GALNT1: variants seen among roughly 807,000 people sequenced by gnomAD.
GALNT1 encodes the protein GalNAc transferase 1.
Under a neutral mutation model 65.7 loss-of-function variants are expected in GALNT1, and 17 were observed. The ratio of observed to expected loss-of-function variants is 0.26; its 90% confidence interval spans 0.18 to 0.39. GALNT1 has a LOEUF of 0.39. GALNT1 is among the 10% of genes least tolerant of loss of function. The pLI, the probability that GALNT1 is intolerant of heterozygous loss-of-function variation, is 1.00. For synonymous variants in GALNT1, 210 were observed against 219.7 expected (o/e 0.96, Z 0.39); for missense variants, 460 against 672.8 (o/e 0.68, Z 3.50).
At chr18:35,606,852 T>C (rs2046656047) in intron 1 of GALNT1, among the ~76,000 whole-genome samples, 1 of 131,262 alleles carries the variant, frequency 7.6e-6, no homozygotes, top group Admixed American at 8.5e-5. Flanking sequence ...TGTGTGTGTG[T>C]GTGTGTGTGT....
chr18:35,709,533 A>C, intron 11 of GALNT1, 91 bp from the exon 12 acceptor site: 1 of 1,374,162 alleles, frequency 7.3e-7, no homozygotes, highest in Non-Finnish European at 1.0e-6. Flanking sequence ...CAAAAAAAAC[A>C]CCTTTTCTGC....
chr18:35,707,402 C>G lies in GALNT1; in HGVS notation c.1534-2222C>G, dbSNP rs1200381594. Among the ~76,000 whole-genome samples the G allele has an allele frequency of 3.3e-5, 5 of 152,254 alleles. No individual in the cohort carries two copies. In the East Asian group the frequency reaches 9.7e-4, roughly 30 times the overall value. ...CTGAATGGAGACTAGTTGGTGTTGC[C>G]TGAGTCCTCTGAGGAGTGCTGTGAT... is the stretch of plus-strand genomic sequence containing the variant. On this transcript the variant is annotated intron_variant, in intron 11 of 11. Coordinates refer to ENST00000269195, the MANE Select transcript of GALNT1 (RefSeq NM_020474.4).
intron 2 of GALNT1, among the ~76,000 whole-genome samples, chr18:35,662,415 A>G (rs1401994406): frequency 6.6e-6 from 1 of 152,190 alleles, no homozygotes; most frequent in Non-Finnish European, 1.5e-5. Flanking sequence ...ATTTTCTGAA[A>G]TCTATTTTTA....
rs111751999 is a variant in GALNT1, at chr18:35,689,906, G to A, written c.978+616G>A. On this transcript the variant is annotated intron_variant, in intron 7 of 11. Coordinates refer to ENST00000269195, the MANE Select transcript of GALNT1 (RefSeq NM_020474.4). ...TTATTATAGTGGAAATCACACTGAC[G>A]TGTACTGTAATCTGAACCAGCGAGC... 2.5e-3 allele frequency among the ~76,000 whole-genome samples: 387 copies of A among 152,274 alleles called. 2 individuals are homozygous for A. Among genetic ancestry groups the A allele is most frequent in the Middle Eastern group, 6.8e-3 (2 of 294 alleles).
Position 35,710,822 on chromosome 18 carries a change from G to A in GALNT1, c.*1052G>A, listed in dbSNP as rs1029524158. 2.6e-5 allele frequency: 4 copies of A among 152,648 alleles called. No individual in the cohort carries two copies. In the East Asian group the frequency reaches 5.8e-4, roughly 22 times the overall value. 9.5% of individuals were successfully genotyped at this position (152,648 alleles called of 1,614,324 possible). ...GATTCCACTTAACAAAAGGCCTGCA[G>A]AAGTGATTTATTATTTGGGTATTTG... On this transcript the variant is annotated 3_prime_UTR_variant, in exon 12 of 12. Transcript: ENST00000269195.
chr18:35,673,047 T>C (rs1225706724), intron 3 of GALNT1, among the ~76,000 whole-genome samples: 1 of 152,204 alleles, frequency 6.6e-6, no homozygotes, highest in African/African-American at 2.4e-5. Flanking sequence ...CTTAGTTTTA[T>C]GGTTAGATCT....
chr18:35,630,769 G>A (rs1568019390), intron 1 of GALNT1, among the ~76,000 whole-genome samples: 1 of 152,106 alleles, frequency 6.6e-6, no homozygotes, highest in African/African-American at 2.4e-5. Flanking sequence ...CCAGGAGCTG[G>A]TTTTTTGAAA....
chr18:35,678,758 A>G (rs925804773), intron 4 of GALNT1, among the ~76,000 whole-genome samples: 2 of 152,142 alleles, frequency 1.3e-5, no homozygotes, highest in Non-Finnish European at 2.9e-5. Flanking sequence ...TTTCTTGCCT[A>G]TTCTCCCATT....
intron 4 of GALNT1, among the ~76,000 whole-genome samples, chr18:35,682,645 T>C (rs2047802934): frequency 6.6e-6 from 1 of 151,970 alleles, no homozygotes; most frequent in South Asian, 2.1e-4. Context: ...GGAGGTAAGG[T>C]TTATCTTATC....
Position 35,683,581 on chromosome 18 carries a change from C to G in GALNT1, c.672C>G (p.Ala224=), listed in dbSNP as rs752974386. ...CTVGWLEPLL[A]RIKHDRRTVV... Reference sequence around the variant, plus strand: ...TGGGATGGCTGGAGCCTCTCTTGGCCAGGATCAAACATGACAGGTAATTTT... The same window carrying G: ...TGGGATGGCTGGAGCCTCTCTTGGCGAGGATCAAACATGACAGGTAATTTT... The change falls in exon 5 of 12, where the codon GCC becomes GCG. Residue 224 remains alanine (A), a synonymous_variant. Coordinates refer to ENST00000269195, the MANE Select transcript of GALNT1 (RefSeq NM_020474.4). 1 of 1,613,326 alleles carries G rather than the reference C, an allele frequency of 6.2e-7. No homozygotes were observed. Among genetic ancestry groups the G allele is most frequent in the Non-Finnish European group, 8.5e-7 (1 of 1,179,640 alleles).
chr18:35,634,625 T>C (rs2047065433), intron 1 of GALNT1, among the ~76,000 whole-genome samples: 1 of 152,168 alleles, frequency 6.6e-6, no homozygotes, highest in Non-Finnish European at 1.5e-5. Flanking sequence ...GGAACCTCAT[T>C]AGAGAGTCAG....
At chr18:35,619,660 A>G (rs879018825) in intron 1 of GALNT1, among the ~76,000 whole-genome samples, 7 of 152,202 alleles carry the variant, frequency 4.6e-5, no homozygotes, top group Non-Finnish European at 8.8e-5. Flanking sequence ...TTGTGATCCA[A>G]ACTGGCAGTG....
intron 4 of GALNT1, among the ~76,000 whole-genome samples, chr18:35,681,962 A>ATT (rs2047793133): frequency 6.6e-6 from 1 of 152,164 alleles, no homozygotes; most frequent in Non-Finnish European, 1.5e-5. Context: ...TGAGCATTAA[A>ATT]TGAGATAAAA....
At chr18:35,633,585 C>G (rs1226137264) in intron 1 of GALNT1, among the ~76,000 whole-genome samples, 2 of 151,842 alleles carry the variant, frequency 1.3e-5, no homozygotes, top group Non-Finnish European at 2.9e-5. Context: ...AGGAGATACA[C>G]CTAATATAAG....
At chr18:35,666,665 T>TA (rs2047553523) in intron 3 of GALNT1, among the ~76,000 whole-genome samples, 1 of 152,246 alleles carries the variant, frequency 6.6e-6, no homozygotes, top group African/African-American at 2.4e-5. Flanking sequence ...GCCTTTTAAG[T>TA]GCATTGTAAG....
chr18:35,631,343 A>T (rs2047006323), intron 1 of GALNT1, among the ~76,000 whole-genome samples: 1 of 152,182 alleles, frequency 6.6e-6, no homozygotes, highest in Admixed American at 6.5e-5. Context: ...CAGCACATCA[A>T]AAAGCTTATC....
At chr18:35,619,067 A>G (rs2046819758) in intron 1 of GALNT1, among the ~76,000 whole-genome samples, 1 of 152,222 alleles carries the variant, frequency 6.6e-6, no homozygotes, top group South Asian at 2.1e-4. Flanking sequence ...CAAATTACTG[A>G]TTAGTTAAGG....
chr18:35,622,603 T>G (rs955723563), intron 1 of GALNT1, among the ~76,000 whole-genome samples: 3 of 152,238 alleles, frequency 2.0e-5, no homozygotes, highest in African/African-American at 7.2e-5. Flanking sequence ...GAATTTTGTA[T>G]GTTCATCTTG....
intron 5 of GALNT1, among the ~76,000 whole-genome samples, chr18:35,686,804 G>C (rs2047874678): frequency 2.0e-5 from 3 of 152,136 alleles, no homozygotes; most frequent in Admixed American, 2.0e-4. Flanking sequence ...CAGCTACTCA[G>C]GAAGCTGAGG....
Sources: allele counts gnomAD v4.1 joint callset (sites outside exome capture counted in the v4.1 genomes callset), GRCh38; gene constraint gnomAD v4.1.1; transcripts MANE v1.5; gene names NCBI Gene and HGNC (gene_info 2026-07-23, HGNC 2026-07-21).